Variants in B3GALT1 observed in about 807,000 individuals in gnomAD.
The protein encoded by B3GALT1 is UDP-Gal:betaGlcNAc beta 1,3-galactosyltransferase, polypeptide 1.
In B3GALT1, 10 loss-of-function variants were observed where a neutral mutation model predicts 23.2. The ratio of observed to expected loss-of-function variants is 0.43; its 90% confidence interval spans 0.27 to 0.73. The LOEUF (loss-of-function observed/expected upper bound fraction) is 0.73. Among genes scored for constraint, B3GALT1 ranks in the 30% least tolerant of loss-of-function variants. The probability of loss-of-function intolerance (pLI) is 0.21; values close to 1 mark genes in which losing one functional copy is unlikely to be tolerated. For missense variants in B3GALT1, 299 were observed against 405.4 expected (o/e 0.74, Z 2.25); for synonymous variants, 156 against 141.5 (o/e 1.10, Z -0.73).
chr2:167,796,487 C>G lies in B3GALT1; in HGVS notation c.-351-22185C>G, dbSNP rs143468453. On this transcript the variant is annotated intron_variant, in intron 3 of 4. Coordinates refer to ENST00000392690, the MANE Select transcript of B3GALT1 (RefSeq NM_020981.4). ...TATAGGCCAGGTATGGTGGCTCACA[C>G]CTGTAATCCCAGCACTTTGGGAGGA... Among the ~76,000 whole-genome samples, 798 of 152,236 alleles carry G rather than the reference C, an allele frequency of 5.2e-3. 8 individuals carry two copies. The highest frequency in any genetic ancestry group is 0.018 in the African/African-American group (753 of 41,510).
chr2:167,449,853 T>C (rs929854679), intron 1 of B3GALT1, among the ~76,000 whole-genome samples: 4 of 152,178 alleles, frequency 2.6e-5, no homozygotes, highest in African/African-American at 7.2e-5. Context: ...GAGATAATCA[T>C]GTGAATTTGT....
intron 3 of B3GALT1, among the ~76,000 whole-genome samples, chr2:167,672,709 A>G (rs1357215983): frequency 6.6e-6 from 1 of 152,176 alleles, no homozygotes; most frequent in South Asian, 2.1e-4. Flanking sequence ...GAATACTTGT[A>G]AAGCACTCAG....
Position 167,869,382 on chromosome 2 carries a change from C to T in B3GALT1, c.343C>T (p.Leu115=). ...CTTTAAGGGGATCAAGATAGCCACCCTGTTCCTCCTGGGCAAGAATGCTGA... is the reference window on the plus strand; with the variant it reads ...CTTTAAGGGGATCAAGATAGCCACCTTGTTCCTCCTGGGCAAGAATGCTGA... ...NNFKGIKIAT[L]FLLGKNADPV... Residue 115 remains leucine (L), a synonymous_variant, in exon 5 of 5, where the codon CTG becomes TTG. Coordinates refer to ENST00000392690, the MANE Select transcript of B3GALT1 (RefSeq NM_020981.4). This position sits in a 1 kb window ranked among gnomAD's most constrained non-coding sequence, Gnocchi z 6.4. 1 of 1,614,134 alleles carries T rather than the reference C, an allele frequency of 6.2e-7. No homozygotes were observed. Among genetic ancestry groups the T allele is most frequent in the Non-Finnish European group, 8.5e-7 (1 of 1,180,026 alleles).
At chr2:167,487,240 G>A (rs1242854107) in intron 1 of B3GALT1, among the ~76,000 whole-genome samples, 1 of 152,150 alleles carries the variant, frequency 6.6e-6, no homozygotes, top group African/African-American at 2.4e-5. Context: ...CCTGCCAGTA[G>A]ACTGTAGCCC....
chr2:167,558,310 TAAG>T (rs1377043158), intron 2 of B3GALT1: 1 of 152,212 alleles, frequency 6.6e-6, no homozygotes, highest in Non-Finnish European at 1.5e-5. Flanking sequence ...ATTATGATTT[TAAG>T]AATAACAGAG....
chr2:167,500,247 G>T (rs530566254), intron 2 of B3GALT1, among the ~76,000 whole-genome samples: 2 of 151,914 alleles, frequency 1.3e-5, no homozygotes, highest in Non-Finnish European at 2.9e-5. Flanking sequence ...AAACCAGATG[G>T]GCTTATTTAT....
chr2:167,562,848 ACT>A (rs1369249568), intron 2 of B3GALT1, among the ~76,000 whole-genome samples: 1 of 151,568 alleles, frequency 6.6e-6, no homozygotes, highest in Non-Finnish European at 1.5e-5. Flanking sequence ...AGTGGTGATG[ACT>A]CTTAAGGAGC....
At chr2:167,838,301 GA>G in intron 4 of B3GALT1, among the ~76,000 whole-genome samples, 1 of 152,230 alleles carries the variant, frequency 6.6e-6, no homozygotes, top group Non-Finnish European at 1.5e-5. Flanking sequence ...AAGAAGAAAA[GA>G]GAGAAGAATC....
chr2:167,582,609 T>G (rs1248715498), intron 2 of B3GALT1, among the ~76,000 whole-genome samples: 1 of 152,176 alleles, frequency 6.6e-6, no homozygotes. Flanking sequence ...TTTTCCCTTT[T>G]TTATTTTGAT....
intron 4 of B3GALT1, among the ~76,000 whole-genome samples, chr2:167,830,605 T>A (rs886550314): frequency 3.3e-5 from 5 of 152,238 alleles, no homozygotes; most frequent in Admixed American, 6.5e-5. Flanking sequence ...TTGAAAAGAC[T>A]GCTGCATGCT....
At chr2:167,318,411 C>T (rs2105491122) in intron 1 of B3GALT1, among the ~76,000 whole-genome samples, 1 of 152,106 alleles carries the variant, frequency 6.6e-6, no homozygotes, top group South Asian at 2.1e-4. Flanking sequence ...ATTCCCTAAA[C>T]AAGTCTAGAT....
intron 3 of B3GALT1, among the ~76,000 whole-genome samples, chr2:167,683,131 G>A (rs546545536): frequency 4.1e-4 from 63 of 152,236 alleles, no homozygotes; most frequent in African/African-American, 1.5e-3. Context: ...ATTGACCAAG[G>A]CACAGATTCC....
intron 3 of B3GALT1, among the ~76,000 whole-genome samples, chr2:167,697,600 T>G (rs866089692): frequency 1.3e-5 from 2 of 152,200 alleles, no homozygotes; most frequent in African/African-American, 4.8e-5. Context: ...CATTTACAAT[T>G]AAAATTAAGA....
chr2:167,755,028 TA>T lies in B3GALT1; in HGVS notation c.-351-63643del, dbSNP rs545472745. 1.6e-3 allele frequency among the ~76,000 whole-genome samples: 236 copies of T among 151,856 alleles called. 1 individual carries two copies. Among genetic ancestry groups the T allele is most frequent in the African/African-American group, 5.0e-3 (209 of 41,480 alleles). On this transcript the variant is annotated intron_variant, in intron 3 of 4. Transcript: ENST00000392690. ...TGAGCAGTGTCTAATGAGTATGTTG[TA>T]GGGGGCGGGGTGATGGTGCAGCCTA...
chr2:167,564,591 G>A (rs931112209), intron 2 of B3GALT1, among the ~76,000 whole-genome samples: 3 of 152,184 alleles, frequency 2.0e-5, no homozygotes, highest in East Asian at 1.9e-4. Context: ...CCGAGTGAAC[G>A]AGACTCCGTC....
intron 3 of B3GALT1, among the ~76,000 whole-genome samples, chr2:167,764,489 G>T (rs1312973771): frequency 6.6e-6 from 1 of 152,076 alleles, no homozygotes; most frequent in Admixed American, 6.6e-5. Context: ...GTCCTACCTT[G>T]CTATTGTTTA....
chr2:167,568,094 C>T (rs926482089), intron 2 of B3GALT1, among the ~76,000 whole-genome samples: 1 of 152,018 alleles, frequency 6.6e-6, no homozygotes, highest in Admixed American at 6.6e-5. Context: ...AATAATAGTC[C>T]ATTATCTGGT....
chr2:167,568,442 G>T (rs1412734973), intron 2 of B3GALT1, among the ~76,000 whole-genome samples: 1 of 151,970 alleles, frequency 6.6e-6, no homozygotes, highest in African/African-American at 2.4e-5. Flanking sequence ...CTAATAGATA[G>T]GTAGTGGTCT....
intron 1 of B3GALT1, among the ~76,000 whole-genome samples, chr2:167,324,206 TC>T (rs1696855222): frequency 6.6e-6 from 1 of 152,086 alleles, no homozygotes; most frequent in Non-Finnish European, 1.5e-5. Context: ...GTTCTGAAAT[TC>T]CTATAGGGTA....
Sources: gnomAD v4.1 joint callset for allele counts (sites outside exome capture counted in the v4.1 genomes callset) on GRCh38, gnomAD v4.1.1 for gene constraint, Gnocchi (gnomAD v3.1) non-coding constraint, MANE v1.5 for transcripts, NCBI Gene and HGNC (gene_info 2026-07-23, HGNC 2026-07-21) for gene names.